ATXN10: variants seen among roughly 807,000 people sequenced by gnomAD.
The protein encoded by ATXN10 is ataxin-10.
ATXN10 carries 28 observed loss-of-function variants against 52.9 expected under a neutral mutation model. That is an observed-to-expected ratio of 0.53 (90% CI 0.39 to 0.73). ATXN10 has a LOEUF of 0.73. Among genes scored for constraint, ATXN10 ranks in the 30% least tolerant of loss-of-function variants. The probability of loss-of-function intolerance (pLI) is 0.00; values close to 1 mark genes in which losing one functional copy is unlikely to be tolerated. For synonymous variants in ATXN10, 226 were observed against 221.5 expected (o/e 1.02, Z -0.18); for missense variants, 565 against 577.0 (o/e 0.98, Z 0.21).
In ATXN10 at chr22:45,786,948, TA is replaced by T. The variant is rs1015837068; in HGVS notation, c.1174-20003del. 7.2e-5 allele frequency among the ~76,000 whole-genome samples: 11 copies of T among 152,094 alleles called. No individual in the cohort carries two copies. The highest frequency in any genetic ancestry group is 2.1e-4 in the South Asian group (1 of 4,814). On this transcript the variant is annotated intron_variant, in intron 9 of 11. Transcript: ENST00000252934. The surrounding 1 kb of genome is among the most constrained non-coding windows in gnomAD (Gnocchi z 4.1). ...CAAAGGAAATAATCAGTGATGAGGT[TA>T]AAAAAAATTGTCTATATGGATGCTC...
chr22:45,731,185 A>G (rs1382865624), intron 7 of ATXN10, among the ~76,000 whole-genome samples: 1 of 152,248 alleles, frequency 6.6e-6, no homozygotes, highest in Non-Finnish European at 1.5e-5. Flanking sequence ...CACTTGTGAT[A>G]CAACAGGGAA....
chr22:45,801,607 C>G (rs949892033), intron 9 of ATXN10, among the ~76,000 whole-genome samples: 15 of 152,246 alleles, frequency 9.9e-5, no homozygotes, highest in African/African-American at 3.4e-4. Context: ...CAGACATACA[C>G]CCAGTTAATG....
rs980165630 is a variant in ATXN10, at chr22:45,740,545, G to A, written c.1173+7G>A. The stretch of plus-strand genomic sequence containing the variant: ...TAAAGATAACCAAGACAAGGTAAGA[G>A]GATTTCTTAGTATGTATTATACATG... On this transcript the variant is annotated splice_region_variant and intron_variant, in intron 9 of 11. Transcript: ENST00000252934. The A allele has an allele frequency of 9.3e-6, 15 of 1,612,412 alleles. No homozygotes were observed. Among genetic ancestry groups the A allele is most frequent in the Non-Finnish European group, 1.3e-5 (15 of 1,178,790 alleles).
At chr22:45,831,689 G>A (rs937285343) in intron 10 of ATXN10, among the ~76,000 whole-genome samples, 2 of 152,292 alleles carry the variant, frequency 1.3e-5, no homozygotes, top group South Asian at 2.1e-4. Context: ...CCAGCTGTTC[G>A]GCAGTGGAAC....
intron 9 of ATXN10, among the ~76,000 whole-genome samples, chr22:45,745,552 GTC>G (rs1925695414): frequency 6.6e-6 from 1 of 152,156 alleles, no homozygotes; most frequent in Admixed American, 6.5e-5. Flanking sequence ...TTTAAAGTAA[GTC>G]TGTACTGTAT....
chr22:45,762,179 T>G lies in ATXN10; in HGVS notation c.1173+21641T>G, dbSNP rs1020970983. Reference sequence around the variant, plus strand: ...TACAGGTAGAAAGGAAGTCAGTCTCTGTCCCCTGTGCGTTTCCGAGACTGT... The same window carrying G: ...TACAGGTAGAAAGGAAGTCAGTCTCGGTCCCCTGTGCGTTTCCGAGACTGT... On this transcript the variant is annotated intron_variant, in intron 9 of 11. Transcript: ENST00000252934. This position sits in a 1 kb window ranked among gnomAD's most constrained non-coding sequence, Gnocchi z 4.3. Among the ~76,000 whole-genome samples, 1 of 152,236 alleles carries G rather than the reference T, an allele frequency of 6.6e-6. No individual in the cohort carries two copies. The highest frequency in any genetic ancestry group is 1.5e-5 in the Non-Finnish European group (1 of 68,040).
In ATXN10 at chr22:45,763,948, A is replaced by G. The variant is rs750685420; in HGVS notation, c.1173+23410A>G. Among the ~76,000 whole-genome samples the G allele has an allele frequency of 2.7e-5, 4 of 147,906 alleles. No homozygotes were observed. Among genetic ancestry groups the G allele is most frequent in the Non-Finnish European group, 4.5e-5 (3 of 67,208 alleles). On this transcript the variant is annotated intron_variant, in intron 9 of 11. Coordinates refer to ENST00000252934, the MANE Select transcript of ATXN10 (RefSeq NM_013236.4). The surrounding 1 kb of genome is among the most constrained non-coding windows in gnomAD (Gnocchi z 6.9). ...GGCCCCCTTCTTATCTAAGGCTGCT[A>G]CGTGTTATTGGAGAAAATTATAATA...
Position 45,740,316 on chromosome 22 carries a change from C to CA in ATXN10, c.1004-52dup, listed in dbSNP as rs1925459448. 3.2e-6 allele frequency: 5 copies of CA among 1,551,258 alleles called. No individual in the cohort carries two copies. In the South Asian group the frequency reaches 4.5e-5, roughly 14 times the overall value. Reference sequence around the variant, plus strand: ...TGTCTATGGAAAACTATTAGTACAACATACTAAAAGTTACTTTTCTGTGGA... The same window carrying CA: ...TGTCTATGGAAAACTATTAGTACAACAATACTAAAAGTTACTTTTCTGTGGA... On this transcript the variant is annotated intron_variant, in intron 8 of 11. Transcript: ENST00000252934.
At chr22:45,693,247 C>T (rs1023014576) in intron 3 of ATXN10, among the ~76,000 whole-genome samples, 169 bp downstream of exon 3, 4 of 152,232 alleles carry the variant, frequency 2.6e-5, no homozygotes, top group Admixed American at 6.5e-5. Context: ...ACTTCCCTTC[C>T]TGAATGGCTG....
rs886246152 is a variant in ATXN10 at position 45,757,763 on chromosome 22, C to A, written c.1173+17225C>A. The stretch of plus-strand genomic sequence containing the variant: ...TTAAAAATGTGATTAGAGTTATATT[C>A]ATTCATGTTTGATTCTCTTTTAAGA... On this transcript the variant is annotated intron_variant, in intron 9 of 11. Transcript: ENST00000252934. This position sits in a 1 kb window ranked among gnomAD's most constrained non-coding sequence, Gnocchi z 4.6. 6.6e-6 allele frequency among the ~76,000 whole-genome samples: 1 copy of A among 152,050 alleles called. No homozygotes were observed. The highest frequency in any genetic ancestry group is 2.4e-5 in the African/African-American group (1 of 41,406).
Position 45,718,598 on chromosome 22 carries a change from T to G in ATXN10, c.728+105T>G. ...GGTTTCTGAGTTGGCACAGAATCTC[T>G]AAATACATGTTTCTGTGTTGGTAAT... On this transcript the variant is annotated intron_variant, in intron 6 of 11. Coordinates refer to ENST00000252934, the MANE Select transcript of ATXN10 (RefSeq NM_013236.4). The surrounding 1 kb of genome is among the most constrained non-coding windows in gnomAD (Gnocchi z 4.4). 5 of 1,001,002 alleles carry G rather than the reference T, an allele frequency of 5.0e-6. No individual in the cohort carries two copies. Among genetic ancestry groups the G allele is most frequent in the Non-Finnish European group, 8.0e-6 (5 of 625,568 alleles). The allele number at this position is 1,001,002 out of a possible 1,614,324, so 62.0% of individuals were successfully genotyped here.
rs368562242 is a variant in ATXN10, at chr22:45,789,012, A to C, written c.1174-17947A>C. Among the ~76,000 whole-genome samples the C allele has an allele frequency of 3.3e-5, 5 of 152,208 alleles. No homozygotes were observed. In the East Asian group the frequency reaches 7.7e-4, roughly 23 times the overall value. ...CCCCCAAGATACAGATTAAGTTGGC[A>C]TGAGGTGGGGCCAAGACATGGGTAG... On this transcript the variant is annotated intron_variant, in intron 9 of 11. Coordinates refer to ENST00000252934, the MANE Select transcript of ATXN10 (RefSeq NM_013236.4). This position sits in a 1 kb window ranked among gnomAD's most constrained non-coding sequence, Gnocchi z 4.0.
chr22:45,802,874 C>G (rs1927974249), intron 9 of ATXN10, among the ~76,000 whole-genome samples: 1 of 152,116 alleles, frequency 6.6e-6, no homozygotes, highest in South Asian at 2.1e-4. Context: ...ATCCCGAATA[C>G]TTTTATTTCT....
chr22:45,718,419 G>C lies in ATXN10; in HGVS notation c.654G>C (p.Leu218Phe). ...CCTCCTCTTTTTTCCCTAGGTTCTT[G>C]ATTATTACAGACCTCTTTCTGAAAA... ...QKHPESEWPF[L>F]IITDLFLKSP... Residue 218 changes from leucine (L) to phenylalanine (F), a missense_variant, in exon 6 of 12, where the codon TTG becomes TTC. Transcript: ENST00000252934. The surrounding 1 kb of genome is among the most constrained non-coding windows in gnomAD (Gnocchi z 4.4). 1 of 1,613,008 alleles carries C rather than the reference G, an allele frequency of 6.2e-7. No individual in the cohort carries two copies. The highest frequency in any genetic ancestry group is 8.5e-7 in the Non-Finnish European group (1 of 1,179,156).
chr22:45,815,391 G>A (rs1928425965), intron 10 of ATXN10, among the ~76,000 whole-genome samples: 1 of 152,132 alleles, frequency 6.6e-6, no homozygotes, highest in African/African-American at 2.4e-5. Context: ...TCCTGTGGTG[G>A]GGAGTCACAT....
At chr22:45,799,087 G>GTTTT (rs140914038) in intron 9 of ATXN10, among the ~76,000 whole-genome samples, 3 of 149,496 alleles carry the variant, frequency 2.0e-5, no homozygotes, top group East Asian at 2.0e-4. Flanking sequence ...TTTGTTTTTT[G>GTTTT]TTTTTCTTTT....
At chr22:45,682,845 T>C (rs1040884014) in intron 1 of ATXN10, among the ~76,000 whole-genome samples, 1 of 152,210 alleles carries the variant, frequency 6.6e-6, no homozygotes, top group Non-Finnish European at 1.5e-5. Context: ...TGGCTCTATC[T>C]TTAAAATATC....
intron 9 of ATXN10, among the ~76,000 whole-genome samples, chr22:45,799,155 C>A (rs1463334908): frequency 2.0e-5 from 3 of 152,060 alleles, no homozygotes; most frequent in Non-Finnish European, 4.4e-5. Context: ...ACTGCAACCC[C>A]CGCCTCCCGG....
Position 45,671,835 on chromosome 22 carries a change from C to G in ATXN10, c.-229C>G. The G allele has an allele frequency of 2.7e-6, 1 of 363,908 alleles. No individual in the cohort carries two copies. The highest frequency in any genetic ancestry group is 4.9e-6 in the Non-Finnish European group (1 of 203,470). The allele number at this position is 363,908 out of a possible 1,614,324, so 22.5% of individuals were successfully genotyped here. ...CGCCGGCGCCCCCTCCCCCGCGGCGCCGTCTCCTCCTCCCGCCTGAGGCGA... is the reference window on the plus strand; with the variant it reads ...CGCCGGCGCCCCCTCCCCCGCGGCGGCGTCTCCTCCTCCCGCCTGAGGCGA... On this transcript the variant is annotated 5_prime_UTR_variant, in exon 1 of 12. Coordinates refer to ENST00000252934, the MANE Select transcript of ATXN10 (RefSeq NM_013236.4).
Sources: gnomAD v4.1 joint callset for allele counts (sites outside exome capture counted in the v4.1 genomes callset) on GRCh38, gnomAD v4.1.1 for gene constraint, Gnocchi (gnomAD v3.1) non-coding constraint, MANE v1.5 for transcripts, NCBI Gene and HGNC (gene_info 2026-07-23, HGNC 2026-07-21) for gene names.